Variants in GRID2 observed in about 807,000 individuals in gnomAD.
GRID2 encodes glutamate ionotropic receptor delta type subunit 2, also known as glutamate receptor ionotropic, delta-2.
Under a neutral mutation model 114.8 loss-of-function variants are expected in GRID2, and 33 were observed. That is an observed-to-expected ratio of 0.29 (90% CI 0.22 to 0.38). The LOEUF is 0.38. Ranked by LOEUF, GRID2 falls within the 10% of genes least tolerant of loss-of-function variation. The pLI is 1.00. For missense variants in GRID2, 1,184 were observed against 1,257.7 expected, an observed-to-expected ratio of 0.94 and a Z score of 0.89; for synonymous variants, 505 against 449.9, an observed-to-expected ratio of 1.12 and a Z score of -1.55.
intron 11 of GRID2, among the ~76,000 whole-genome samples, chr4:93,477,244 A>G (rs915038860): frequency 6.6e-6 from 1 of 152,092 alleles, no homozygotes; most frequent in Non-Finnish European, 1.5e-5. Context: ...CTCCTAAAAT[A>G]ATGATATTAA....
chr4:92,580,958 G>C (rs114572919), intron 1 of GRID2, among the ~76,000 whole-genome samples: 3,154 of 150,972 alleles, frequency 0.021, 110 homozygotes, highest in African/African-American at 0.071. Context: ...AGTGTTCAAA[G>C]TGTCTATTGT....
intron 2 of GRID2, among the ~76,000 whole-genome samples, chr4:92,674,113 T>C (rs1182330205): frequency 6.6e-6 from 1 of 152,226 alleles, no homozygotes. Flanking sequence ...TGCTTTTTCA[T>C]TGGATTTATC....
intron 8 of GRID2, among the ~76,000 whole-genome samples, chr4:93,370,685 T>G (rs1228325009): frequency 6.6e-6 from 1 of 152,170 alleles, no homozygotes; most frequent in Non-Finnish European, 1.5e-5. Flanking sequence ...CTATTATATT[T>G]TCTCTATAGT....
At chr4:93,776,718 A>G (rs1431583269), downstream of GRID2, among the ~76,000 whole-genome samples, 1 of 152,186 alleles carries the variant, frequency 6.6e-6, no homozygotes, top group African/African-American at 2.4e-5. Context: ...CTCCCCAAAG[A>G]AGACTTGGAA....
At chr4:92,762,149 A>G (rs981339935) in intron 2 of GRID2, among the ~76,000 whole-genome samples, 2 of 152,110 alleles carry the variant, frequency 1.3e-5, no homozygotes, top group East Asian at 3.9e-4. Flanking sequence ...TCCTGAACTC[A>G]TGATCCACCC....
chr4:93,745,000 A>C (rs894220052), intron 14 of GRID2, among the ~76,000 whole-genome samples: 2 of 152,204 alleles, frequency 1.3e-5, no homozygotes, highest in Non-Finnish European at 2.9e-5. Flanking sequence ...ATTTTTAATT[A>C]AGGTATGTAC....
chr4:93,189,308 T>C (rs895533200), intron 4 of GRID2, among the ~76,000 whole-genome samples: 1 of 152,184 alleles, frequency 6.6e-6, no homozygotes, highest in East Asian at 1.9e-4. Context: ...CCGTGTCTGA[T>C]GAGGACTCCC....
intron 2 of GRID2, among the ~76,000 whole-genome samples, chr4:92,681,406 T>G (rs1486829986): frequency 6.6e-6 from 1 of 152,118 alleles, no homozygotes; most frequent in Non-Finnish European, 1.5e-5. Flanking sequence ...ACATGTGGTG[T>G]TTGGTTTTTT....
chr4:92,725,652 G>A (rs1736032886), intron 2 of GRID2, among the ~76,000 whole-genome samples: 1 of 152,078 alleles, frequency 6.6e-6, no homozygotes. Context: ...TATCGTCTAA[G>A]GTGCCATAAA....
At chr4:92,412,511 T>C (rs1560614635) in intron 1 of GRID2, among the ~76,000 whole-genome samples, 1 of 152,196 alleles carries the variant, frequency 6.6e-6, no homozygotes, top group Non-Finnish European at 1.5e-5. Context: ...TTTATATTTT[T>C]CCCTCTTCTT....
At chr4:92,364,129 G>T (rs763609540) in intron 1 of GRID2, among the ~76,000 whole-genome samples, 2 of 151,920 alleles carry the variant, frequency 1.3e-5, no homozygotes, top group Non-Finnish European at 2.9e-5. Context: ...AAAGTAAAAA[G>T]ATTATCATCA....
intron 2 of GRID2, among the ~76,000 whole-genome samples, chr4:92,757,260 A>G (rs114685769): frequency 0.012 from 1,779 of 152,212 alleles, 36 homozygotes; most frequent in African/African-American, 0.04. Flanking sequence ...TTGTTTTCAC[A>G]CAGATCAATG....
chr4:92,915,637 C>T (rs995565811), intron 2 of GRID2, among the ~76,000 whole-genome samples: 5 of 152,084 alleles, frequency 3.3e-5, no homozygotes, highest in African/African-American at 1.2e-4. Flanking sequence ...GAGGGATCAA[C>T]CCACTACTCT....
chr4:93,475,591 T>A (rs1213085744), intron 11 of GRID2, among the ~76,000 whole-genome samples: 3 of 152,180 alleles, frequency 2.0e-5, no homozygotes, highest in African/African-American at 7.2e-5. Flanking sequence ...TGGCATTCTC[T>A]GACCTTTTAG....
intron 15 of GRID2, among the ~76,000 whole-genome samples, chr4:93,771,224 A>G (rs1419403779): frequency 1.3e-5 from 2 of 152,206 alleles, no homozygotes. Flanking sequence ...ACTTTTAGTG[A>G]AAAATATAAG....
In GRID2 at chr4:92,916,125, T is replaced by C. The variant is rs542754133; in HGVS notation, c.245-168870T>C. On this transcript the variant is annotated intron_variant, in intron 2 of 15. Coordinates refer to ENST00000282020, the MANE Select transcript of GRID2 (RefSeq NM_001510.4). ...TTGTTGCAACTGCTTTTGGTGTCTT[T>C]GTCGTGAAATTTTTCCTGTGCCTAT... is the stretch of plus-strand genomic sequence containing the variant. 1.1e-3 allele frequency among the ~76,000 whole-genome samples: 169 copies of C among 152,244 alleles called. 1 individual carries two copies. The highest frequency in any genetic ancestry group is 4.0e-3 in the African/African-American group (166 of 41,558).
At chr4:93,810,102 A>G (rs1474670737) in exon 2 of GRID2, 1 of 152,234 alleles carries the variant, frequency 6.6e-6, no homozygotes, top group Non-Finnish European at 1.5e-5. Flanking sequence ...CAGGTACCAG[A>G]GTGAATAAGA....
At chr4:92,885,091 TA>T in intron 2 of GRID2, 4 of 319,990 alleles carry the variant, frequency 1.3e-5, no homozygotes, top group South Asian at 3.0e-5. Context: ...TTTATTGAAA[TA>T]AAAAAACTGT....
intron 13 of GRID2, among the ~76,000 whole-genome samples, chr4:93,588,464 T>C (rs1045651714): frequency 6.6e-6 from 1 of 152,198 alleles, no homozygotes; most frequent in Non-Finnish European, 1.5e-5. Flanking sequence ...CCAGTGTTTC[T>C]GTAAGAATGA....
Sources: gnomAD v4.1 joint callset for allele counts (sites outside exome capture counted in the v4.1 genomes callset) on GRCh38, gnomAD v4.1.1 for gene constraint, MANE v1.5 for transcripts, NCBI Gene and HGNC (gene_info 2026-07-23, HGNC 2026-07-21) for gene names.